The following VPS13B variants were observed in gnomAD, a reference collection of about 807,000 sequenced individuals.
VPS13B encodes intermembrane lipid transfer protein VPS13B.
In VPS13B, 285 loss-of-function variants were observed where a neutral mutation model predicts 426.4. That is an observed-to-expected ratio of 0.67 (90% CI 0.61 to 0.74). The LOEUF is 0.74. Among genes scored for constraint, VPS13B ranks in the 30% least tolerant of loss-of-function variants. The pLI is 0.00. For synonymous variants in VPS13B, 1,676 were observed against 1,676.4 expected, an observed-to-expected ratio of 1.00 and a Z score of 0.01; for missense variants, 4,537 against 4,782.6, an observed-to-expected ratio of 0.95 and a Z score of 1.51.
chr8:99,736,606 G>A (rs1390658480), intron 39 of VPS13B, among the ~76,000 whole-genome samples: 1 of 151,846 alleles, frequency 6.6e-6, no homozygotes, highest in African/African-American at 2.4e-5. Context: ...ACAAAAATCA[G>A]TTTAAAAGAA....
intron 30 of VPS13B, among the ~76,000 whole-genome samples, chr8:99,523,449 A>G (rs1435631107): frequency 6.6e-6 from 1 of 152,240 alleles, no homozygotes; most frequent in African/African-American, 2.4e-5. Context: ...GACCCAGCGC[A>G]GTCCCAATGG....
intron 17 of VPS13B, among the ~76,000 whole-genome samples, chr8:99,268,509 G>A (rs1241932104): frequency 2.6e-5 from 4 of 152,202 alleles, no homozygotes; most frequent in Non-Finnish European, 5.9e-5. Context: ...AGTAAAAGGA[G>A]ATCATTTTGG....
intron 23 of VPS13B, among the ~76,000 whole-genome samples, chr8:99,453,369 C>T (rs1463730779): frequency 1.3e-5 from 2 of 152,128 alleles, no homozygotes; most frequent in Non-Finnish European, 2.9e-5. Context: ...GAAAAGGAAG[C>T]TCAGAAACTA....
chr8:99,017,219 T>A (rs1255637470), intron 2 of VPS13B, among the ~76,000 whole-genome samples: 3 of 152,196 alleles, frequency 2.0e-5, no homozygotes, highest in Non-Finnish European at 4.4e-5. Flanking sequence ...TGATAGTCAG[T>A]TGATCTATAC....
chr8:99,851,608 G>A (rs745485025), intron 55 of VPS13B, among the ~76,000 whole-genome samples: 4 of 152,106 alleles, frequency 2.6e-5, no homozygotes, highest in Non-Finnish European at 4.4e-5. Flanking sequence ...GTGACTATCT[G>A]AAGGAAGAAC....
intron 30 of VPS13B, among the ~76,000 whole-genome samples, chr8:99,544,556 G>A (rs1190221813): frequency 6.6e-6 from 1 of 152,124 alleles, no homozygotes; most frequent in African/African-American, 2.4e-5. Context: ...ATTGCTTAGT[G>A]CTTAGTCTGA....
At chr8:99,134,140 G>A (rs536155815) in intron 8 of VPS13B, among the ~76,000 whole-genome samples, 1 of 152,288 alleles carries the variant, frequency 6.6e-6, no homozygotes, top group African/African-American at 2.4e-5. Flanking sequence ...CTTTTGAAAA[G>A]AAATATGCTT....
intron 36 of VPS13B, among the ~76,000 whole-genome samples, chr8:99,700,740 G>A (rs150752827): frequency 6.6e-6 from 1 of 152,312 alleles, no homozygotes; most frequent in African/African-American, 2.4e-5. Context: ...GGAAGTGTGG[G>A]CAGAAGGATT....
intron 2 of VPS13B, among the ~76,000 whole-genome samples, chr8:99,032,018 T>C (rs1842528335): frequency 6.6e-6 from 1 of 152,224 alleles, no homozygotes; most frequent in Non-Finnish European, 1.5e-5. Flanking sequence ...ACTCAGGGCT[T>C]GTGAGGACTG....
chr8:99,873,024 G>C (rs974410043), intron 61 of VPS13B, among the ~76,000 whole-genome samples: 1 of 152,192 alleles, frequency 6.6e-6, no homozygotes, highest in Non-Finnish European at 1.5e-5. Flanking sequence ...GACTTTATTA[G>C]ATCTGCCAGA....
Position 99,383,564 on chromosome 8 carries a change from T to TA in VPS13B, c.2825-642dup, listed in dbSNP as rs201942801. 1.7e-3 allele frequency among the ~76,000 whole-genome samples: 256 copies of TA among 152,360 alleles called. 1 individual carries two copies. The highest frequency in any genetic ancestry group is 6.0e-3 in the African/African-American group (251 of 41,590). On this transcript the variant is annotated intron_variant, in intron 19 of 61. Transcript: ENST00000357162. ...TTCACCAGGTTGTACAATCATTTTC[T>TA]AATTTCAGAATATTTTTATCACTCT...
At chr8:99,760,648 A>T (rs1422685713) in intron 39 of VPS13B, among the ~76,000 whole-genome samples, 1 of 152,188 alleles carries the variant, frequency 6.6e-6, no homozygotes, top group African/African-American at 2.4e-5. Context: ...AAATCTTTAA[A>T]ATATTGTACT....
chr8:99,015,319 C>T (rs1426023281), intron 2 of VPS13B, among the ~76,000 whole-genome samples: 1 of 150,126 alleles, frequency 6.7e-6, no homozygotes, highest in Non-Finnish European at 1.5e-5. Flanking sequence ...CGGGTTCATG[C>T]CATTCTCCTG....
intron 19 of VPS13B, among the ~76,000 whole-genome samples, chr8:99,329,953 C>A (rs1160301854): frequency 6.6e-6 from 1 of 151,876 alleles, no homozygotes. Flanking sequence ...CCACTAGATA[C>A]CAGTGGCACC....
intron 42 of VPS13B, among the ~76,000 whole-genome samples, chr8:99,782,213 A>G (rs1421762731): frequency 1.3e-5 from 2 of 152,148 alleles, no homozygotes; most frequent in Non-Finnish European, 1.5e-5. Flanking sequence ...CTAACTTTGT[A>G]CAGTGAATAT....
At chr8:99,077,201 T>C (rs1845175330) in intron 3 of VPS13B, among the ~76,000 whole-genome samples, 1 of 152,070 alleles carries the variant, frequency 6.6e-6, no homozygotes, top group Non-Finnish European at 1.5e-5. Context: ...AAAAGGAGTT[T>C]CACGCTGGTT....
intron 3 of VPS13B, among the ~76,000 whole-genome samples, chr8:99,054,887 C>T (rs1247241862): frequency 6.6e-6 from 1 of 152,118 alleles, no homozygotes; most frequent in Non-Finnish European, 1.5e-5. Context: ...ACCCTATAGG[C>T]CTATGCTGGC....
intron 8 of VPS13B, among the ~76,000 whole-genome samples, chr8:99,125,828 T>C (rs7842393): frequency 0.83 from 125,662 of 152,138 alleles, 52,415 homozygotes; most frequent in South Asian, 0.89. Flanking sequence ...AAATGGTAGT[T>C]GAGTAATTGT....
chr8:99,180,524 G>A (rs1025417488), intron 16 of VPS13B, among the ~76,000 whole-genome samples: 6 of 152,134 alleles, frequency 3.9e-5, no homozygotes, highest in Non-Finnish European at 7.4e-5. Context: ...TATGGCCAAT[G>A]GGATAGAAAA....
Sources: gnomAD v4.1 joint callset for allele counts (sites outside exome capture counted in the v4.1 genomes callset) on GRCh38, gnomAD v4.1.1 for gene constraint, MANE v1.5 for transcripts, NCBI Gene and HGNC (gene_info 2026-07-23, HGNC 2026-07-21) for gene names.